STAG2: variants seen among roughly 807,000 people sequenced by gnomAD.
STAG2 encodes the protein cohesin subunit SA-2.
In STAG2, 14 loss-of-function variants were observed where a neutral mutation model predicts 108.1. That is an observed-to-expected ratio of 0.13 (90% CI 0.09 to 0.20). The LOEUF (loss-of-function observed/expected upper bound fraction) is 0.20, where lower values mean the gene tolerates loss of function less well. Among genes scored for constraint, STAG2 ranks in the 10% least tolerant of loss-of-function variants. The pLI is 1.00. For synonymous variants in STAG2, 307 were observed against 302.7 expected (o/e 1.01, Z -0.15); for missense variants, 440 against 940.9 (o/e 0.47, Z 6.96).
chrX:124,071,523 T>G (rs2058663914), intron 25 of STAG2, among the ~76,000 whole-genome samples, 200 bp downstream of exon 25: 1 of 111,728 alleles, frequency 9.0e-6, no homozygotes, highest in Admixed American at 9.5e-5. Flanking sequence ...GGCTTTCAAG[T>G]CAGATCGCTG....
chrX:123,998,391 G>A (rs1207476237), intron 1 of STAG2, among the ~76,000 whole-genome samples: 1 of 104,041 alleles, frequency 9.6e-6, no homozygotes, highest in African/African-American at 3.5e-5. Context: ...GGCTGGTCTC[G>A]AACTCCTGAC....
intron 1 of STAG2, among the ~76,000 whole-genome samples, chrX:123,977,614 C>T (rs973633593): frequency 1.4e-4 from 16 of 110,559 alleles, no homozygotes; most frequent in East Asian, 8.4e-4. Flanking sequence ...TAATCCATTT[C>T]GTGACTCAGA....
chrX:124,003,062 G>A (rs916356355), intron 1 of STAG2, among the ~76,000 whole-genome samples: 2 of 108,877 alleles, frequency 1.8e-5, no homozygotes, highest in Non-Finnish European at 3.8e-5. Context: ...CTACCTCCTG[G>A]GTTCATGCAA....
At chrX:124,028,959 A>G (rs770240221) in intron 4 of STAG2, among the ~76,000 whole-genome samples, 1 of 99,349 alleles carries the variant, frequency 1.0e-5, no homozygotes, top group Non-Finnish European at 2.0e-5. Context: ...GGTCGTTTTA[A>G]TATTTATTTA....
At chrX:124,015,525 C>T (rs1423100993) in intron 1 of STAG2, among the ~76,000 whole-genome samples, 1 of 109,036 alleles carries the variant, frequency 9.2e-6, no homozygotes, top group Non-Finnish European at 1.9e-5. Context: ...GCTGGGATTA[C>T]AGGTGCATGC....
chrX:124,051,862 T>A (rs1203282921), intron 13 of STAG2, among the ~76,000 whole-genome samples: 2 of 112,440 alleles, frequency 1.8e-5, no homozygotes, highest in African/African-American at 6.5e-5. Flanking sequence ...GGTGCTGGGA[T>A]TACAGGCGTG....
intron 5 of STAG2, among the ~76,000 whole-genome samples, chrX:124,032,111 G>C (rs1349737533): frequency 8.9e-6 from 1 of 111,831 alleles, no homozygotes; most frequent in Non-Finnish European, 1.9e-5. Flanking sequence ...TGGCTATGAG[G>C]TCTCAATTTT....
chrX:124,086,775 G>A lies in STAG2; in HGVS notation c.3277+5G>A, dbSNP rs772424796. 3.5e-6 allele frequency: 4 copies of A among 1,151,763 alleles called. No homozygotes were observed. The allele number at this position is 1,151,763 out of a possible 1,213,427, so 94.9% of individuals were successfully genotyped here. On this transcript the variant is annotated splice_donor_5th_base_variant and intron_variant, in intron 30 of 34. Coordinates refer to ENST00000371145, the MANE Select transcript of STAG2 (RefSeq NM_001042750.2). Reference sequence around the variant, plus strand: ...AGGGCATGCAGCTTTCACTCAGTAAGGATATAATTTATTCTCTTTATATTT... The same window carrying A: ...AGGGCATGCAGCTTTCACTCAGTAAAGATATAATTTATTCTCTTTATATTT...
chrX:123,985,619 A>G (rs897376003), intron 1 of STAG2, among the ~76,000 whole-genome samples: 5 of 109,763 alleles, frequency 4.6e-5, no homozygotes, highest in East Asian at 2.8e-4. Context: ...CCCAGACTGG[A>G]ATACAGTAGC....
chrX:124,093,936 T>C, intron 32 of STAG2, 82 bp from the exon 33 acceptor site: 1 of 1,034,912 alleles, frequency 9.7e-7, no homozygotes, highest in Non-Finnish European at 1.3e-6. Context: ...TATACTTGAA[T>C]ATAGAGAGCC....
chrX:124,051,111 T>TC lies in STAG2; in HGVS notation c.1018-10_1018-9insC. On this transcript the variant is annotated splice_polypyrimidine_tract_variant and intron_variant, in intron 11 of 34. Coordinates refer to ENST00000371145, the MANE Select transcript of STAG2 (RefSeq NM_001042750.2). ...TGCATTGTCTCATCTTTTTTTTTTT[T>TC]TTTTTTTAGCAAGGTGAAGTAAGAC... The TC allele has an allele frequency of 1.1e-6, 1 of 892,916 alleles. No individual in the cohort carries two copies. Among genetic ancestry groups the TC allele is most frequent in the East Asian group, 3.4e-5 (1 of 29,480 alleles). 73.6% of individuals were successfully genotyped at this position (892,916 alleles called of 1,213,427 possible). A position where few individuals can be genotyped will look rare whatever the true frequency, so the allele number is the denominator to read the frequency against.
intron 1 of STAG2, among the ~76,000 whole-genome samples, chrX:124,012,237 A>C (rs770039299): frequency 8.9e-6 from 1 of 112,449 alleles, no homozygotes; most frequent in Admixed American, 9.5e-5. Context: ...AATATTCATC[A>C]GGGATATTGG....
chrX:124,079,150 T>C (rs1350035750), intron 27 of STAG2, among the ~76,000 whole-genome samples: 5 of 107,674 alleles, frequency 4.6e-5, no homozygotes, highest in Non-Finnish European at 9.6e-5. Flanking sequence ...TTTTTTCCTT[T>C]TCTTTTGAGA....
chrX:124,101,938 A>G lies in STAG2; in HGVS notation c.*1341A>G, dbSNP rs752185874. ...AAAACAAAATATTAACTTATATTACATGTGTATCTATCTATTGTCAGTCGT... is the reference window on the plus strand; with the variant it reads ...AAAACAAAATATTAACTTATATTACGTGTGTATCTATCTATTGTCAGTCGT... On this transcript the variant is annotated 3_prime_UTR_variant, in exon 35 of 35. Coordinates refer to ENST00000371145, the MANE Select transcript of STAG2 (RefSeq NM_001042750.2). 2.5e-5 allele frequency: 4 copies of G among 160,167 alleles called. No homozygotes were observed. In the East Asian group the frequency reaches 2.8e-4, roughly 11 times the overall value. 13.2% of individuals were successfully genotyped at this position (160,167 alleles called of 1,213,427 possible). A position where few individuals can be genotyped will look rare whatever the true frequency, so the allele number is the denominator to read the frequency against.
intron 17 of STAG2, among the ~76,000 whole-genome samples, chrX:124,062,365 C>A (rs940299186): frequency 1.8e-5 from 2 of 111,964 alleles, no homozygotes; most frequent in African/African-American, 6.5e-5. Flanking sequence ...TATATTGTGA[C>A]GTATTACACA....
At chrX:124,019,947 A>G (rs759090905) in intron 1 of STAG2, among the ~76,000 whole-genome samples, 5 of 112,243 alleles carry the variant, frequency 4.5e-5, no homozygotes, top group African/African-American at 1.6e-4. Context: ...GTCTGTCTCT[A>G]TTTTTTATAT....
chrX:124,031,128 A>T lies in STAG2; in HGVS notation c.288+3A>T. ...AAATGGGCAAGAGTGCTATGCAGGT[A>T]AGATTTATGTTGTTCTTCCCAGTTC... On this transcript the variant is annotated splice_donor_region_variant and intron_variant, in intron 5 of 34. Coordinates refer to ENST00000371145, the MANE Select transcript of STAG2 (RefSeq NM_001042750.2). 2 of 1,201,800 alleles carry T rather than the reference A, an allele frequency of 1.7e-6. No individual in the cohort carries two copies. Among genetic ancestry groups the T allele is most frequent in the Non-Finnish European group, 2.2e-6 (2 of 891,030 alleles).
At chrX:123,993,831 A>G (rs1472075067) in intron 1 of STAG2, among the ~76,000 whole-genome samples, 1 of 111,621 alleles carries the variant, frequency 9.0e-6, no homozygotes, top group Non-Finnish European at 1.9e-5. Context: ...CGAACATTTT[A>G]TATGATTTTT....
chrX:123,971,868 A>G (rs2054365431), intron 1 of STAG2, among the ~76,000 whole-genome samples: 1 of 112,354 alleles, frequency 8.9e-6, no homozygotes, highest in Non-Finnish European at 1.9e-5. Context: ...AGAAAGAAAA[A>G]GGTCCAGTTT....
Sources: allele counts gnomAD v4.1 joint callset (sites outside exome capture counted in the v4.1 genomes callset), GRCh38; gene constraint gnomAD v4.1.1; transcripts MANE v1.5; gene names NCBI Gene and HGNC (gene_info 2026-07-23, HGNC 2026-07-21).